DLG2: variants seen among roughly 807,000 people sequenced by gnomAD.
The protein encoded by DLG2 is discs large MAGUK scaffold protein 2.
DLG2 carries 45 observed loss-of-function variants against 132.5 expected under a neutral mutation model. The ratio of observed to expected loss-of-function variants is 0.34; its 90% CI spans 0.27 to 0.44. DLG2 has a LOEUF of 0.44. Among genes scored for constraint, DLG2 ranks in the 20% least tolerant of loss-of-function variants. The pLI is 1.00. For missense variants in DLG2, 1,045 were observed against 1,196.9 expected, an observed-to-expected ratio of 0.87 and a Z score of 1.87; for synonymous variants, 424 against 419.6, an observed-to-expected ratio of 1.01 and a Z score of -0.13.
intron 6 of DLG2, among the ~76,000 whole-genome samples, chr11:84,581,912 CAAA>C (rs780759635): frequency 1.4e-4 from 9 of 64,964 alleles, no homozygotes; most frequent in Admixed American, 3.9e-4. Context: ...TCTCAAAAAC[CAAA>C]AAAAAAAAAA....
rs139567293 is a variant in DLG2 at position 85,498,926 on chromosome 11, G to A, written c.40+99731C>T. Among the ~76,000 whole-genome samples the A allele has an allele frequency of 9.2e-3, 1,395 of 152,252 alleles. 19 individuals carry two copies. The highest frequency in any genetic ancestry group is 0.03 in the African/African-American group (1,246 of 41,540). ...GGACACCATGTACCAGAATCTCTGGGACACATTTAAAGCAGTGTGTAGAGG... is the reference window on the plus strand; with the variant it reads ...GGACACCATGTACCAGAATCTCTGGAACACATTTAAAGCAGTGTGTAGAGG... On this transcript the variant is annotated intron_variant, in intron 3 of 27. Transcript: ENST00000376104.
Position 84,983,676 on chromosome 11 carries a change from G to C in DLG2, c.357+127985C>G, listed in dbSNP as rs147538073. On this transcript the variant is annotated intron_variant, in intron 6 of 27. Coordinates refer to ENST00000376104, the MANE Select transcript of DLG2 (RefSeq NM_001142699.3). ...ATTTTTCTGAAAAAGAATTCAGAAG[G>C]TTAGTTATTAAGCTAATCAGGGAGG... Among the ~76,000 whole-genome samples, 50 of 152,288 alleles carry C rather than the reference G, an allele frequency of 3.3e-4. 1 individual carries two copies. Among genetic ancestry groups the C allele is most frequent in the African/African-American group, 1.1e-3 (44 of 41,554 alleles).
At chr11:84,949,597 G>GA (rs35302362) in intron 6 of DLG2, among the ~76,000 whole-genome samples, 2 of 152,114 alleles carry the variant, frequency 1.3e-5, no homozygotes, top group African/African-American at 4.8e-5. Flanking sequence ...CCCATGCTGA[G>GA]AAAAAGAATT....
At chr11:84,379,496 A>G (rs1455853981) in intron 7 of DLG2, among the ~76,000 whole-genome samples, 1 of 152,170 alleles carries the variant, frequency 6.6e-6, no homozygotes, top group Non-Finnish European at 1.5e-5. Context: ...GACACCACAG[A>G]GGATAAGAAG....
chr11:84,503,293 G>C (rs2099227448), intron 7 of DLG2, among the ~76,000 whole-genome samples: 1 of 152,152 alleles, frequency 6.6e-6, no homozygotes, highest in South Asian at 2.1e-4. Flanking sequence ...GGTCAAATTA[G>C]TTACTATGTG....
At chr11:84,167,519 G>A (rs886267136) in intron 8 of DLG2, among the ~76,000 whole-genome samples, 2 of 152,006 alleles carry the variant, frequency 1.3e-5, no homozygotes, top group Non-Finnish European at 2.9e-5. Context: ...CTGAAAAGAG[G>A]TTCTCCATAC....
At chr11:84,376,185 CTTTT>C (rs1457596833) in intron 7 of DLG2, among the ~76,000 whole-genome samples, 1 of 151,814 alleles carries the variant, frequency 6.6e-6, no homozygotes, top group Non-Finnish European at 1.5e-5. Flanking sequence ...CTCTCTCTCT[CTTTT>C]TAATTCTTAA....
chr11:83,846,622 T>G (rs1293181183), intron 16 of DLG2, among the ~76,000 whole-genome samples: 1 of 152,138 alleles, frequency 6.6e-6, no homozygotes, highest in Non-Finnish European at 1.5e-5. Context: ...CTCTTTTCCT[T>G]CTCTTCTCTG....
At chr11:84,663,156 T>C (rs1282250079) in intron 6 of DLG2, among the ~76,000 whole-genome samples, 1 of 152,074 alleles carries the variant, frequency 6.6e-6, no homozygotes, top group African/African-American at 2.4e-5. Flanking sequence ...TTCAACTTAT[T>C]CTGTATTACA....
intron 15 of DLG2, among the ~76,000 whole-genome samples, chr11:83,887,628 C>T (rs1565503391): frequency 6.6e-6 from 1 of 151,958 alleles, no homozygotes; most frequent in Non-Finnish European, 1.5e-5. Flanking sequence ...ATACCAAAGC[C>T]AGGCAGAGAC....
chr11:84,031,542 C>A (rs142804042), intron 11 of DLG2, among the ~76,000 whole-genome samples: 1 of 152,236 alleles, frequency 6.6e-6, no homozygotes, highest in African/African-American at 2.4e-5. Context: ...TTGGTTTCTG[C>A]TTTTACCTTA....
At chr11:85,544,416 C>T (rs1291590708) in intron 3 of DLG2, among the ~76,000 whole-genome samples, 1 of 152,114 alleles carries the variant, frequency 6.6e-6, no homozygotes, top group African/African-American at 2.4e-5. Flanking sequence ...AGCTTGAAGT[C>T]AGGTAGTGTG....
intron 21 of DLG2, among the ~76,000 whole-genome samples, chr11:83,503,119 C>A (rs952619599): frequency 7.9e-5 from 12 of 151,606 alleles, no homozygotes; most frequent in Non-Finnish European, 1.6e-4. Flanking sequence ...ACGCAAAGTA[C>A]TCAAGGGGCA....
chr11:85,412,762 TA>T lies in DLG2; in HGVS notation c.41-127398del. On this transcript the variant is annotated intron_variant, in intron 3 of 27. Coordinates refer to ENST00000376104, the MANE Select transcript of DLG2 (RefSeq NM_001142699.3). Reference sequence around the variant, plus strand: ...ACACACACACACACACACACACACATATATATATATATATATATATATATCA... The same window carrying T: ...ACACACACACACACACACACACACATTATATATATATATATATATATATCA... Among the ~76,000 whole-genome samples the T allele has an allele frequency of 3.8e-5, 2 of 52,884 alleles. 1 individual carries two copies. Among genetic ancestry groups the T allele is most frequent in the Middle Eastern group, 0.021 (2 of 94 alleles). 34.7% of individuals were successfully genotyped at this position (52,884 alleles called of 152,430 possible).
rs183061267 is a variant in DLG2 at position 84,844,563 on chromosome 11, G to A, written c.357+267098C>T. 2.0e-3 allele frequency among the ~76,000 whole-genome samples: 303 copies of A among 151,736 alleles called. 2 individuals are homozygous for A. Among genetic ancestry groups the A allele is most frequent in the African/African-American group, 7.0e-3 (290 of 41,376 alleles). On this transcript the variant is annotated intron_variant, in intron 6 of 27. Coordinates refer to ENST00000376104, the MANE Select transcript of DLG2 (RefSeq NM_001142699.3). ...TTGTTTATCCCCATCCTTCTCACCTGTCTGCTACCTCACACTTTTTCTCTT... is the reference window on the plus strand; with the variant it reads ...TTGTTTATCCCCATCCTTCTCACCTATCTGCTACCTCACACTTTTTCTCTT...
chr11:83,856,040 A>G (rs948851517), intron 16 of DLG2, among the ~76,000 whole-genome samples: 6 of 152,166 alleles, frequency 3.9e-5, no homozygotes, highest in Admixed American at 3.3e-4. Flanking sequence ...CTATGTGTTT[A>G]TGTGTTCTCA....
chr11:84,894,892 C>A (rs975520664), intron 6 of DLG2, among the ~76,000 whole-genome samples: 8 of 134,594 alleles, frequency 5.9e-5, no homozygotes, highest in South Asian at 4.6e-4. Flanking sequence ...AGACCCCTTG[C>A]GGATTCTGAG....
At position 83,672,877 on chromosome 11, in the gene DLG2, A is replaced by G. The variant is rs1041061379; in HGVS notation, c.1826-39552T>C. ...GGAGTGTGAGACCAGCCTGACCAACATGGTGAAACCCGTCTCTACTAAAAA... is the reference window on the plus strand; with the variant it reads ...GGAGTGTGAGACCAGCCTGACCAACGTGGTGAAACCCGTCTCTACTAAAAA... On this transcript the variant is annotated intron_variant, in intron 18 of 27. Coordinates refer to ENST00000376104, the MANE Select transcript of DLG2 (RefSeq NM_001142699.3). Among the ~76,000 whole-genome samples, 62 of 152,156 alleles carry G rather than the reference A, an allele frequency of 4.1e-4. 2 individuals carry two copies. The highest frequency in any genetic ancestry group is 2.6e-4 in the Admixed American group (4 of 15,270).
At chr11:84,396,351 C>T (rs986260001) in intron 7 of DLG2, among the ~76,000 whole-genome samples, 11 of 152,088 alleles carry the variant, frequency 7.2e-5, no homozygotes, top group African/African-American at 2.7e-4. Flanking sequence ...AAGTCCTTAA[C>T]CATATCTTCA....
Sources: gnomAD v4.1 joint callset for allele counts (sites outside exome capture counted in the v4.1 genomes callset) on GRCh38, gnomAD v4.1.1 for gene constraint, MANE v1.5 for transcripts, NCBI Gene and HGNC (gene_info 2026-07-23, HGNC 2026-07-21) for gene names.